Variants in GRM7 observed in about 807,000 individuals in gnomAD.
GRM7 encodes the protein glutamate metabotropic receptor 7, also known as metabotropic glutamate receptor 7.
GRM7 carries 35 observed loss-of-function variants against 84.5 expected under a neutral mutation model. The observed-to-expected ratio is 0.41, with a 90% confidence interval of 0.32 to 0.55. The LOEUF (loss-of-function observed/expected upper bound fraction) is 0.55, where lower values mean the gene tolerates loss of function less well. Ranked by LOEUF, GRM7 falls within the 20% of genes least tolerant of loss-of-function variation. GRM7 has a pLI of 0.19. For synonymous variants in GRM7, 487 were observed against 455.1 expected, an observed-to-expected ratio of 1.07 and a Z score of -0.89; for missense variants, 1,003 against 1,194.6, an observed-to-expected ratio of 0.84 and a Z score of 2.36.
intron 7 of GRM7, among the ~76,000 whole-genome samples, chr3:7,574,940 T>A (rs892292118): frequency 7.1e-6 from 1 of 141,462 alleles, no homozygotes; most frequent in African/African-American, 2.5e-5. Flanking sequence ...AGCCTGTCTG[T>A]CTGAGTTTCT....
intron 6 of GRM7, among the ~76,000 whole-genome samples, chr3:7,457,188 G>T (rs1033972629): frequency 2.2e-4 from 34 of 152,142 alleles, no homozygotes; most frequent in African/African-American, 8.0e-4. Flanking sequence ...TAGGAGTTCT[G>T]TTCCAGATAG....
chr3:6,907,148 A>AC (rs762274625), intron 1 of GRM7, among the ~76,000 whole-genome samples: 15 of 152,066 alleles, frequency 9.9e-5, no homozygotes, highest in Non-Finnish European at 2.1e-4. Flanking sequence ...CAAGCGATGC[A>AC]CCCACCTCAG....
intron 1 of GRM7, among the ~76,000 whole-genome samples, chr3:6,919,470 A>G (rs544126724): frequency 2.0e-5 from 3 of 151,282 alleles, no homozygotes; most frequent in Non-Finnish European, 4.4e-5. Context: ...GGCCTCCCAA[A>G]GTGCTGGGAT....
chr3:7,320,292 A>C (rs2125052100), intron 4 of GRM7, among the ~76,000 whole-genome samples: 1 of 152,150 alleles, frequency 6.6e-6, no homozygotes, highest in African/African-American at 2.4e-5. Context: ...CTATTTAATA[A>C]AAGTTTTATG....
chr3:7,075,803 G>A (rs927273323), intron 1 of GRM7, among the ~76,000 whole-genome samples: 1 of 152,106 alleles, frequency 6.6e-6, no homozygotes, highest in Non-Finnish European at 1.5e-5. Context: ...TGGGATTACA[G>A]GCCTGAGCCA....
chr3:7,219,092 TC>T (rs1696710751), intron 2 of GRM7, among the ~76,000 whole-genome samples: 1 of 152,208 alleles, frequency 6.6e-6, no homozygotes, highest in Admixed American at 6.5e-5. Context: ...ACAGGTTTTT[TC>T]CCATTTAGTC....
At chr3:6,939,071 A>G (rs1236652731) in intron 1 of GRM7, among the ~76,000 whole-genome samples, 1 of 152,208 alleles carries the variant, frequency 6.6e-6, no homozygotes, top group African/African-American at 2.4e-5. Context: ...TTTTTTCTGC[A>G]CAAGTTATAC....
intron 1 of GRM7, among the ~76,000 whole-genome samples, chr3:7,093,933 G>GATTAAATT (rs1227929404): frequency 6.6e-6 from 1 of 152,062 alleles, no homozygotes; most frequent in Non-Finnish European, 1.5e-5. Context: ...CTATTTATGG[G>GATTAAATT]ATTAAATTGC....
chr3:6,976,803 A>G (rs2124822392), intron 1 of GRM7, among the ~76,000 whole-genome samples: 1 of 152,296 alleles, frequency 6.6e-6, no homozygotes, highest in East Asian at 1.9e-4. Flanking sequence ...CCAAATACTT[A>G]AGTAAGATGT....
rs559049809 is a variant in GRM7, at chr3:6,998,473, G to A, written c.519+136566G>A. On this transcript the variant is annotated intron_variant, in intron 1 of 9. Transcript: ENST00000357716. Reference sequence around the variant, plus strand: ...GCTGTCAGTGGATCTACCATTCTGAGGTCTGGAAAATGGTGATCCTCTTCT... The same window carrying A: ...GCTGTCAGTGGATCTACCATTCTGAAGTCTGGAAAATGGTGATCCTCTTCT... 1.0e-3 allele frequency among the ~76,000 whole-genome samples: 156 copies of A among 152,234 alleles called. 1 individual carries two copies. The highest frequency in any genetic ancestry group is 3.7e-3 in the African/African-American group (153 of 41,548).
chr3:7,167,973 C>CAA (rs60681836), intron 2 of GRM7, among the ~76,000 whole-genome samples: 47 of 54,632 alleles, frequency 8.6e-4, no homozygotes, highest in African/African-American at 1.5e-3. Context: ...GACTCTGTCT[C>CAA]AAAAAAAAAA....
At chr3:7,051,406 TA>T (rs947910239) in intron 1 of GRM7, among the ~76,000 whole-genome samples, 2 of 151,354 alleles carry the variant, frequency 1.3e-5, no homozygotes, top group African/African-American at 2.4e-5. Flanking sequence ...GTCAGAAAAA[TA>T]AAAAAAAGTT....
chr3:7,261,305 A>C (rs1698413554), intron 2 of GRM7, among the ~76,000 whole-genome samples: 1 of 152,118 alleles, frequency 6.6e-6, no homozygotes, highest in Non-Finnish European at 1.5e-5. Flanking sequence ...ATTTCCATGT[A>C]ATTTTATGGT....
chr3:7,253,218 A>G (rs953451308), intron 2 of GRM7, among the ~76,000 whole-genome samples: 1 of 152,224 alleles, frequency 6.6e-6, no homozygotes, highest in South Asian at 2.1e-4. Context: ...CATTGTCCTC[A>G]GTAGTTTACC....
chr3:7,278,440 A>G (rs1211645265), intron 2 of GRM7, among the ~76,000 whole-genome samples: 1 of 152,124 alleles, frequency 6.6e-6, no homozygotes, highest in Non-Finnish European at 1.5e-5. Context: ...ACGTTTTTAA[A>G]AAGATGTCAT....
chr3:7,088,728 C>T (rs182622276), intron 1 of GRM7, among the ~76,000 whole-genome samples: 10 of 116,348 alleles, frequency 8.6e-5, no homozygotes, highest in Admixed American at 6.8e-4. Context: ...CGAGTTGGAA[C>T]GGCAGGGGTA....
chr3:6,867,770 A>C (rs1276924317), intron 1 of GRM7, among the ~76,000 whole-genome samples: 1 of 152,218 alleles, frequency 6.6e-6, no homozygotes, highest in Non-Finnish European at 1.5e-5. Flanking sequence ...GAATTGACAC[A>C]GTCAATATAT....
At chr3:7,167,900 T>C (rs532942999) in intron 2 of GRM7, among the ~76,000 whole-genome samples, 2 of 125,344 alleles carry the variant, frequency 1.6e-5, no homozygotes, top group East Asian at 2.7e-4. Flanking sequence ...ACCCGGGAGG[T>C]GGAGCTTGCA....
chr3:7,606,257 C>G (rs1559434556), intron 8 of GRM7, among the ~76,000 whole-genome samples: 1 of 151,428 alleles, frequency 6.6e-6, no homozygotes, highest in African/African-American at 2.4e-5. Context: ...TCTAGCTCCT[C>G]TTTTTTTTTA....
Sources: gnomAD v4.1 joint callset for allele counts (sites outside exome capture counted in the v4.1 genomes callset) on GRCh38, gnomAD v4.1.1 for gene constraint, MANE v1.5 for transcripts, NCBI Gene and HGNC (gene_info 2026-07-23, HGNC 2026-07-21) for gene names.